LRP1B: variants seen among roughly 807,000 people sequenced by gnomAD.
LRP1B encodes LDL receptor related protein 1B.
Under a neutral mutation model 556.6 loss-of-function variants are expected in LRP1B, and 217 were observed. The ratio of observed to expected loss-of-function variants is 0.39; its 90% CI spans 0.35 to 0.44. The LOEUF is 0.44. Ranked by LOEUF, LRP1B falls within the 20% of genes least tolerant of loss-of-function variation. The pLI, the probability that LRP1B is intolerant of heterozygous loss-of-function variation, is 1.00. For synonymous variants in LRP1B, 2,047 were observed against 1,865.8 expected, an observed-to-expected ratio of 1.10 and a Z score of -2.50; for missense variants, 5,053 against 5,620.8, an observed-to-expected ratio of 0.90 and a Z score of 3.23.
intron 1 of LRP1B, among the ~76,000 whole-genome samples, chr2:141,819,013 G>T (rs1318613738): frequency 6.6e-6 from 1 of 151,452 alleles, no homozygotes; most frequent in Non-Finnish European, 1.5e-5. Context: ...GGCTGAGGCG[G>T]GTGGATCACA....
chr2:140,608,274 T>C (rs1236238554), intron 41 of LRP1B, among the ~76,000 whole-genome samples: 2 of 152,066 alleles, frequency 1.3e-5, no homozygotes, highest in Non-Finnish European at 2.9e-5. Context: ...AGTGAGAATA[T>C]ATAATGGAAA....
chr2:141,513,728 A>AAAAATAAAATAAAAT (rs57494681), intron 2 of LRP1B, among the ~76,000 whole-genome samples: 2 of 150,790 alleles, frequency 1.3e-5, no homozygotes, highest in African/African-American at 4.9e-5. Context: ...TCTTGTGCTT[A>AAAAATAAAATAAAAT]AAAATAAAAT....
intron 1 of LRP1B, among the ~76,000 whole-genome samples, chr2:141,880,652 C>G (rs1432190227): frequency 1.3e-5 from 2 of 151,904 alleles, no homozygotes; most frequent in Non-Finnish European, 2.9e-5. Flanking sequence ...AATAGCTACT[C>G]TCATGCACTG....
rs2104882018 is a variant in LRP1B at position 140,238,297 on chromosome 2, C to T, written c.13416-1G>A. The T allele has an allele frequency of 6.7e-7, 1 of 1,481,854 alleles. No individual in the cohort carries two copies. The highest frequency in any genetic ancestry group is 9.4e-7 in the Non-Finnish European group (1 of 1,068,266). The allele number at this position is 1,481,854 out of a possible 1,614,324, so 91.8% of individuals were successfully genotyped here. Reference sequence around the variant, plus strand: ...AGGTTGTCTTCTAATTGTTTTTGTCCTAGAATATATAAACATTAATATGTG... The same window carrying T: ...AGGTTGTCTTCTAATTGTTTTTGTCTTAGAATATATAAACATTAATATGTG... On this transcript the variant is annotated splice_acceptor_variant, in intron 88 of 90. Transcript: ENST00000389484. LOFTEE classifies it high-confidence loss of function.
At chr2:142,072,236 T>G (rs1705343473) in intron 1 of LRP1B, among the ~76,000 whole-genome samples, 1 of 151,968 alleles carries the variant, frequency 6.6e-6, no homozygotes, top group Non-Finnish European at 1.5e-5. Context: ...GAAAAGCTTT[T>G]GATCATGTCA....
intron 14 of LRP1B, among the ~76,000 whole-genome samples, chr2:141,010,155 C>T (rs994115965): frequency 6.6e-6 from 1 of 151,796 alleles, no homozygotes; most frequent in African/African-American, 2.4e-5. Flanking sequence ...TTTAATCAAC[C>T]CTTATTAAAA....
chr2:141,781,721 T>C (rs13416257), intron 2 of LRP1B, among the ~76,000 whole-genome samples: 52,657 of 151,988 alleles, frequency 0.35, 10,465 homozygotes, highest in Non-Finnish European at 0.44. Context: ...TTAGGAAGAC[T>C]CTTTGGAGTT....
intron 86 of LRP1B, among the ~76,000 whole-genome samples, chr2:140,265,359 C>G (rs1682152026): frequency 6.6e-6 from 1 of 151,878 alleles, no homozygotes; most frequent in African/African-American, 2.4e-5. Context: ...CAAATAAATG[C>G]AAAAAAATCT....
intron 27 of LRP1B, among the ~76,000 whole-genome samples, chr2:140,859,585 A>T (rs971993222): frequency 2.0e-5 from 3 of 152,184 alleles, no homozygotes; most frequent in African/African-American, 7.2e-5. Context: ...TTTAAAAAAA[A>T]TGATTTTAAA....
chr2:141,351,334 A>C (rs1266528671), intron 3 of LRP1B, among the ~76,000 whole-genome samples: 3 of 152,038 alleles, frequency 2.0e-5, no homozygotes, highest in Non-Finnish European at 2.9e-5. Flanking sequence ...TTATTGTATG[A>C]AACTACTCTT....
rs560775870 is a variant in LRP1B at position 141,987,680 on chromosome 2, G to A, written c.82+142968C>T. On this transcript the variant is annotated intron_variant, in intron 1 of 90. Coordinates refer to ENST00000389484, the MANE Select transcript of LRP1B (RefSeq NM_018557.3). Reference sequence around the variant, plus strand: ...TATACCTACCACAAATCAAATGGATGTTTTTATATGAGATTTATTTTTCTA... The same window carrying A: ...TATACCTACCACAAATCAAATGGATATTTTTATATGAGATTTATTTTTCTA... 6.6e-5 allele frequency among the ~76,000 whole-genome samples: 10 copies of A among 151,166 alleles called. No homozygotes were observed. The East Asian group carries it at 1.4e-3, about 21-fold the overall frequency.
At chr2:141,193,638 C>CT (rs922475613) in intron 6 of LRP1B, among the ~76,000 whole-genome samples, 1 of 151,486 alleles carries the variant, frequency 6.6e-6, no homozygotes, top group African/African-American at 2.4e-5. Flanking sequence ...CTTTTGGGGA[C>CT]TTGGCAATGA....
At chr2:141,627,981 C>A (rs1316973725) in intron 2 of LRP1B, among the ~76,000 whole-genome samples, 1 of 152,068 alleles carries the variant, frequency 6.6e-6, no homozygotes, top group African/African-American at 2.4e-5. Flanking sequence ...AAAATAAATT[C>A]TATTAACAAA....
At chr2:140,349,179 CCCCTGAACTAGAA>C (rs1366813034) in intron 77 of LRP1B, among the ~76,000 whole-genome samples, 10 of 151,982 alleles carry the variant, frequency 6.6e-5, no homozygotes, top group African/African-American at 1.7e-4. Flanking sequence ...GGGTTGGAGA[CCCCTGAACTAGAA>C]CCCTGAACTA....
chr2:140,710,578 TAA>T (rs1462419337), intron 37 of LRP1B, among the ~76,000 whole-genome samples: 1 of 151,948 alleles, frequency 6.6e-6, no homozygotes, highest in East Asian at 1.9e-4. Flanking sequence ...ATAAATATAA[TAA>T]GAGAGAGAAT....
At chr2:141,637,357 T>C (rs540275995) in intron 2 of LRP1B, among the ~76,000 whole-genome samples, 2 of 152,276 alleles carry the variant, frequency 1.3e-5, no homozygotes, top group South Asian at 4.1e-4. Context: ...AAAACAGATA[T>C]TGCAATTAAA....
intron 14 of LRP1B, among the ~76,000 whole-genome samples, chr2:141,010,662 C>T (rs1016837364): frequency 1.3e-5 from 2 of 151,840 alleles, no homozygotes; most frequent in Non-Finnish European, 2.9e-5. Context: ...TTACAGTCTC[C>T]TGCCACCACC....
chr2:141,251,949 G>A (rs1177780066), intron 4 of LRP1B, among the ~76,000 whole-genome samples: 1 of 152,082 alleles, frequency 6.6e-6, no homozygotes, highest in African/African-American at 2.4e-5. Flanking sequence ...ATCTTTATCT[G>A]TGCCTGAGCA....
chr2:141,357,024 A>C (rs1225073686), intron 3 of LRP1B, among the ~76,000 whole-genome samples: 1 of 151,574 alleles, frequency 6.6e-6, no homozygotes, highest in Non-Finnish European at 1.5e-5. Context: ...TCACTTTTTA[A>C]ATTTTTTTAT....
Sources: allele counts gnomAD v4.1 joint callset (sites outside exome capture counted in the v4.1 genomes callset), GRCh38; gene constraint gnomAD v4.1.1; transcripts MANE v1.5; gene names NCBI Gene and HGNC (gene_info 2026-07-23, HGNC 2026-07-21).